Variants in SCAPER observed in about 807,000 individuals in gnomAD.
The protein encoded by SCAPER is S-phase cyclin A associated protein in the ER.
SCAPER carries 98 observed loss-of-function variants against 182.2 expected under a neutral mutation model. The observed-to-expected ratio is 0.54, with a 90% confidence interval of 0.46 to 0.64. The LOEUF is 0.64. SCAPER is among the 30% of genes least tolerant of loss of function. SCAPER has a pLI of 0.00. For synonymous variants in SCAPER, 605 were observed against 564.6 expected (o/e 1.07, Z -1.01); for missense variants, 1,432 against 1,690.0 (o/e 0.85, Z 2.68).
In SCAPER at chr15:76,606,366, C is replaced by T. The variant is rs148773349; in HGVS notation, c.2711+15398G>A. Among the ~76,000 whole-genome samples the T allele has an allele frequency of 6.0e-3, 912 of 152,272 alleles. 4 individuals carry two copies. Among genetic ancestry groups the T allele is most frequent in the African/African-American group, 0.021 (870 of 41,542 alleles). On this transcript the variant is annotated intron_variant, in intron 22 of 31. Coordinates refer to ENST00000563290, the MANE Select transcript of SCAPER (RefSeq NM_020843.4). The stretch of plus-strand genomic sequence containing the variant: ...TTCTTAACCCTGAGTTCTAGTTTGA[C>T]TGCACTGTGGCCTGAGAGTTTGTTA...
intron 23 of SCAPER, among the ~76,000 whole-genome samples, chr15:76,547,541 C>T (rs144217673): frequency 2.7e-4 from 41 of 152,168 alleles, no homozygotes; most frequent in East Asian, 5.8e-4. Context: ...ATAGTGATTT[C>T]GGGATCTCAA....
chr15:76,837,650 T>A (rs1284273059), intron 5 of SCAPER, among the ~76,000 whole-genome samples: 1 of 152,138 alleles, frequency 6.6e-6, no homozygotes, highest in Non-Finnish European at 1.5e-5. Flanking sequence ...TATCAAATGC[T>A]CAACATGACT....
intron 14 of SCAPER, among the ~76,000 whole-genome samples, chr15:76,762,883 C>T (rs1275729887): frequency 6.6e-6 from 1 of 152,166 alleles, no homozygotes; most frequent in Non-Finnish European, 1.5e-5. Context: ...TGTGAGACAC[C>T]TGGCCTCATG....
At chr15:76,894,393 G>T (rs1025036155) in intron 1 of SCAPER, among the ~76,000 whole-genome samples, 1 of 152,074 alleles carries the variant, frequency 6.6e-6, no homozygotes, top group African/African-American at 2.4e-5. Context: ...CCTGAGACTA[G>T]TCTCTACGTT....
intron 26 of SCAPER, among the ~76,000 whole-genome samples, chr15:76,433,459 G>T (rs1326045893): frequency 6.6e-6 from 1 of 152,086 alleles, no homozygotes; most frequent in Non-Finnish European, 1.5e-5. Flanking sequence ...TGTGAGCCAA[G>T]GTTGCGCTGC....
chr15:76,711,898 T>C (rs987674191), intron 17 of SCAPER, among the ~76,000 whole-genome samples: 7 of 152,192 alleles, frequency 4.6e-5, no homozygotes, highest in African/African-American at 1.7e-4. Flanking sequence ...GCCTGTTCAC[T>C]CTGATGGCAG....
chr15:76,839,567 C>A (rs901136285), intron 5 of SCAPER, among the ~76,000 whole-genome samples: 28 of 152,164 alleles, frequency 1.8e-4, no homozygotes, highest in African/African-American at 6.8e-4. Context: ...TATAAAAATA[C>A]CTTTTAAACT....
chr15:76,623,424 A>G (rs2052281868), intron 21 of SCAPER, among the ~76,000 whole-genome samples: 1 of 152,208 alleles, frequency 6.6e-6, no homozygotes, highest in South Asian at 2.1e-4. Flanking sequence ...ACTTTTGTAT[A>G]TGATGAAATG....
intron 24 of SCAPER, among the ~76,000 whole-genome samples, chr15:76,491,152 C>G (rs907233949): frequency 6.6e-6 from 1 of 152,198 alleles, no homozygotes; most frequent in Admixed American, 6.5e-5. Context: ...TTTGGACTCT[C>G]TGTTCTGCTC....
intron 31 of SCAPER, chr15:76,349,763 C>G (rs1345094563): frequency 1.3e-5 from 2 of 151,756 alleles, no homozygotes; most frequent in Non-Finnish European, 2.9e-5. Flanking sequence ...GTGGGTTAAG[C>G]CTACTGTAAC....
At chr15:76,460,287 C>T (rs2049065230) in intron 25 of SCAPER, among the ~76,000 whole-genome samples, 1 of 152,044 alleles carries the variant, frequency 6.6e-6, no homozygotes, top group Non-Finnish European at 1.5e-5. Context: ...ACCTTTTTGG[C>T]TAAATTCATT....
In SCAPER at chr15:76,376,308, TAG is replaced by T. The variant is rs1303625185; in HGVS notation, c.3707_3708del (p.Ser1236TyrfsTer28). On this transcript the variant is annotated frameshift_variant and splice_region_variant, in exon 29 of 32. Transcript: ENST00000563290. LOFTEE classifies it high-confidence loss of function. ...AGGGACAAGCCCTCTGCCCCTACAATAGACTGACAAAGACAAGGAGCAGTTAG... is the reference window on the plus strand; with the variant it reads ...AGGGACAAGCCCTCTGCCCCTACAATACTGACAAAGACAAGGAGCAGTTAG... ...FAALHLPAFQ[S>X]IVGAEGLSLA... 6.2e-7 allele frequency: 1 copy of T among 1,610,820 alleles called. No individual in the cohort carries two copies. Among genetic ancestry groups the T allele is most frequent in the African/African-American group, 1.3e-5 (1 of 74,806 alleles).
chr15:76,793,470 G>GGAGC lies in SCAPER; in HGVS notation c.772+1806_772+1809dup, dbSNP rs1280439552. ...AGCCTTCAGGGAGGGAGAAAGGAAAGGAGCTGAAGGTTAGGTTGCTTGCCA... is the reference window on the plus strand; with the variant it reads ...AGCCTTCAGGGAGGGAGAAAGGAAAGGAGCGAGCTGAAGGTTAGGTTGCTTGCCA... On this transcript the variant is annotated intron_variant, in intron 8 of 31. Coordinates refer to ENST00000563290, the MANE Select transcript of SCAPER (RefSeq NM_020843.4). 5.8e-6 allele frequency: 3 copies of GGAGC among 521,004 alleles called. No homozygotes were observed. In the African/African-American group the frequency reaches 5.9e-5, roughly 10 times the overall value. 32.3% of individuals were successfully genotyped at this position (521,004 alleles called of 1,614,324 possible). A position where few individuals can be genotyped will look rare whatever the true frequency, so the allele number is the denominator to read the frequency against.
intron 26 of SCAPER, among the ~76,000 whole-genome samples, chr15:76,404,992 T>C (rs185881176): frequency 2.8e-4 from 42 of 152,214 alleles, no homozygotes; most frequent in African/African-American, 8.4e-4. Context: ...AAATGATTTA[T>C]AATGACCTTT....
chr15:76,744,273 C>T (rs1439047418), intron 15 of SCAPER, among the ~76,000 whole-genome samples: 1 of 151,978 alleles, frequency 6.6e-6, no homozygotes, highest in African/African-American at 2.4e-5. Flanking sequence ...GGAACAAAAA[C>T]AAAAGTTGAC....
At chr15:76,573,706 G>A (rs772456415) in intron 23 of SCAPER, among the ~76,000 whole-genome samples, 5 of 152,118 alleles carry the variant, frequency 3.3e-5, no homozygotes, top group Admixed American at 6.5e-5. Context: ...AATCACTGAG[G>A]ATATTTAAAC....
intron 5 of SCAPER, among the ~76,000 whole-genome samples, chr15:76,818,848 G>A (rs2067291825): frequency 6.6e-6 from 1 of 152,220 alleles, no homozygotes; most frequent in Non-Finnish European, 1.5e-5. Flanking sequence ...TCAAAGAAAG[G>A]GGTGACAGAC....
intron 4 of SCAPER, among the ~76,000 whole-genome samples, chr15:76,848,333 T>G (rs12906731): frequency 3.6e-3 from 215 of 60,058 alleles, no homozygotes; most frequent in South Asian, 0.011. Context: ...GTTTTTTTTT[T>G]TTTTTTTTTT....
chr15:76,715,231 T>C (rs1432718352), intron 17 of SCAPER, among the ~76,000 whole-genome samples: 3 of 151,056 alleles, frequency 2.0e-5, no homozygotes, highest in African/African-American at 7.3e-5. Flanking sequence ...CCAGGAGCTC[T>C]GAGCCTCTGG....
Sources: gnomAD v4.1 joint callset for allele counts (sites outside exome capture counted in the v4.1 genomes callset) on GRCh38, gnomAD v4.1.1 for gene constraint, MANE v1.5 for transcripts, NCBI Gene and HGNC (gene_info 2026-07-23, HGNC 2026-07-21) for gene names.